Variants in VCAN observed in about 807,000 individuals in gnomAD.
VCAN encodes versican core protein.
In VCAN, 44 loss-of-function variants were observed where a neutral mutation model predicts 245.5. The observed-to-expected ratio is 0.18, with a 90% CI of 0.14 to 0.23. VCAN has a LOEUF of 0.23. Ranked by LOEUF, VCAN falls within the 10% of genes least tolerant of loss-of-function variation. VCAN has a pLI of 1.00. For missense variants in VCAN, 3,793 were observed against 4,057.9 expected, an observed-to-expected ratio of 0.93 and a Z score of 1.77; for synonymous variants, 1,413 against 1,437.0, an observed-to-expected ratio of 0.98 and a Z score of 0.38.
chr5:83,575,058 G>A (rs1378696634), intron 13 of VCAN, among the ~76,000 whole-genome samples: 2 of 151,996 alleles, frequency 1.3e-5, no homozygotes, highest in South Asian at 2.1e-4. Flanking sequence ...ATAAGAGTAC[G>A]AAGTACACAT....
At position 83,519,964 on chromosome 5, in the gene VCAN, G is replaced by A. The variant is rs1746015775; in HGVS notation, c.1658G>A (p.Gly553Glu). 3 of 1,614,086 alleles carry A rather than the reference G, an allele frequency of 1.9e-6. No homozygotes were observed. The highest frequency in any genetic ancestry group is 2.5e-6 in the Non-Finnish European group (3 of 1,179,956). ...ACAGGTCACTATGGATTCACCTTGG[G>A]AGAAGAGGATGATGAAGACAGAACA... ...VTTGHYGFTL[G>E]EEDDEDRTLT... Residue 553 changes from glycine (G) to glutamate (E), a missense_variant, in exon 7 of 15, where the codon GGA becomes GAA. Coordinates refer to ENST00000265077, the MANE Select transcript of VCAN (RefSeq NM_004385.5).
intron 12 of VCAN, among the ~76,000 whole-genome samples, chr5:83,569,257 C>A (rs1357123385): frequency 1.3e-5 from 2 of 152,156 alleles, no homozygotes; most frequent in African/African-American, 2.4e-5. Flanking sequence ...TGCATTGCCA[C>A]CTGTTTTCCA....
In VCAN at chr5:83,512,336, T is replaced by G; in HGVS notation, c.982T>G (p.Phe328Val). The change falls in exon 6 of 15, where the codon TTT becomes GTT. Residue 328 changes from phenylalanine to valine, a missense_variant. Phe to Val is a conservative substitution (Grantham distance 50). Coordinates refer to ENST00000265077, the MANE Select transcript of VCAN (RefSeq NM_004385.5). ...ACTTGGGGTGAGAACCCTGTATCGTTTTGAGAACCAGACAGGCTTCCCTCC... is the reference window on the plus strand; with the variant it reads ...ACTTGGGGTGAGAACCCTGTATCGTGTTGAGAACCAGACAGGCTTCCCTCC... Reference protein sequence around the residue: ...GLLGVRTLYRFENQTGFPPPD... With the variant: ...GLLGVRTLYRVENQTGFPPPD... 11 of 1,610,942 alleles carry G rather than the reference T, an allele frequency of 6.8e-6. No individual in the cohort carries two copies. The highest frequency in any genetic ancestry group is 8.5e-6 in the Non-Finnish European group (10 of 1,177,320).
rs1035645624 is a variant in VCAN, at chr5:83,512,251, G to A, written c.897G>A (p.Leu299=). The A allele has an allele frequency of 5.6e-6, 9 of 1,614,064 alleles. No individual in the cohort carries two copies. The highest frequency in any genetic ancestry group is 7.6e-6 in the Non-Finnish European group (9 of 1,180,040). ...TTGACCAGTGCGATTACGGGTGGCT[G>A]TCGGATGCCAGCGTGCGCCACCCTG... is the stretch of plus-strand genomic sequence containing the variant. ...NGFDQCDYGW[L]SDASVRHPVT... is the part of the protein sequence containing the mutation. The change falls in exon 6 of 15, where the codon CTG becomes CTA. Residue 299 remains leucine (L), a synonymous_variant. Coordinates refer to ENST00000265077, the MANE Select transcript of VCAN (RefSeq NM_004385.5).
At chr5:83,484,575 C>A (rs564067859) in intron 2 of VCAN, among the ~76,000 whole-genome samples, 1 of 152,294 alleles carries the variant, frequency 6.6e-6, no homozygotes, top group Admixed American at 6.5e-5. Flanking sequence ...ATTTTTCCCA[C>A]TCACCCATTC....
At chr5:83,564,918 TTTAA>T (rs1339492550) in intron 12 of VCAN, among the ~76,000 whole-genome samples, 1 of 152,212 alleles carries the variant, frequency 6.6e-6, no homozygotes, top group Non-Finnish European at 1.5e-5. Flanking sequence ...AAACATCATC[TTTAA>T]TTGGCCATTT....
Position 83,512,254 on chromosome 5 carries a change from G to C in VCAN, c.900G>C (p.Ser300=). The C allele has an allele frequency of 6.2e-7, 1 of 1,614,140 alleles. No individual in the cohort carries two copies. Among genetic ancestry groups the C allele is most frequent in the East Asian group, 2.2e-5 (1 of 44,868 alleles). ...ACCAGTGCGATTACGGGTGGCTGTC[G>C]GATGCCAGCGTGCGCCACCCTGTGA... The part of the protein sequence containing the change: ...GFDQCDYGWL[S]DASVRHPVTV... The change falls in exon 6 of 15, where the codon TCG becomes TCC. Residue 300 remains serine, a synonymous_variant. Coordinates refer to ENST00000265077, the MANE Select transcript of VCAN (RefSeq NM_004385.5).
intron 2 of VCAN, among the ~76,000 whole-genome samples, chr5:83,489,811 C>CT (rs11389823): frequency 0.24 from 35,503 of 147,026 alleles, 4,608 homozygotes; most frequent in East Asian, 0.42. Context: ...TTATGCTTGC[C>CT]TTTTTTTTTT....
At chr5:83,504,770 A>G (rs1158798613) in intron 5 of VCAN, among the ~76,000 whole-genome samples, 1 of 152,170 alleles carries the variant, frequency 6.6e-6, no homozygotes, top group Non-Finnish European at 1.5e-5. Flanking sequence ...TATATTTGGT[A>G]TATTTCCTGA....
In VCAN at chr5:83,493,550, T is replaced by A. The variant is rs1183791585; in HGVS notation, c.450T>A (p.Val150=). ...TGTTTGCTGTTGTTTTTGCAGGGGT[T>A]GTGTTTCACTACAGGGCGGCAACCA... The part of the protein sequence containing the change: ...QDTVSLTVDG[V]VFHYRAATSR... Residue 150 remains valine (V), a synonymous_variant, in exon 4 of 15, where the codon GTT becomes GTA. Coordinates refer to ENST00000265077, the MANE Select transcript of VCAN (RefSeq NM_004385.5). 6.2e-7 allele frequency: 1 copy of A among 1,613,212 alleles called. No individual in the cohort carries two copies. The highest frequency in any genetic ancestry group is 1.3e-5 in the African/African-American group (1 of 75,024).
chr5:83,573,269 T>G (rs1439650801), intron 13 of VCAN, among the ~76,000 whole-genome samples: 1 of 152,134 alleles, frequency 6.6e-6, no homozygotes, highest in Admixed American at 6.6e-5. Flanking sequence ...TTAGGCTATA[T>G]TTTTTAAATC....
chr5:83,475,449 C>A (rs1187623698), intron 1 of VCAN, among the ~76,000 whole-genome samples: 1 of 152,146 alleles, frequency 6.6e-6, no homozygotes, highest in Non-Finnish European at 1.5e-5. Context: ...CACTTCTTGA[C>A]AATTTCGCCA....
At chr5:83,535,318 G>A (rs1283400247) in intron 7 of VCAN, among the ~76,000 whole-genome samples, 1 of 151,956 alleles carries the variant, frequency 6.6e-6, no homozygotes, top group East Asian at 1.9e-4. Flanking sequence ...TGTTTAGTTA[G>A]GATAAGAATA....
At chr5:83,480,261 G>A (rs952084316) in intron 1 of VCAN, among the ~76,000 whole-genome samples, 3 of 152,066 alleles carry the variant, frequency 2.0e-5, no homozygotes, top group African/African-American at 7.2e-5. Flanking sequence ...TATGTAGATG[G>A]AGGACCATTC....
At chr5:83,551,362 A>G (rs1057118391) in intron 10 of VCAN, among the ~76,000 whole-genome samples, 1 of 151,996 alleles carries the variant, frequency 6.6e-6, no homozygotes, top group Non-Finnish European at 1.5e-5. Flanking sequence ...AAATACAAAA[A>G]TTAGCCAGGC....
At position 83,471,852 on chromosome 5, in the gene VCAN, A is replaced by G. The variant is rs994954737; in HGVS notation, c.-178A>G. On this transcript the variant is annotated 5_prime_UTR_variant, in exon 1 of 15. Transcript: ENST00000265077. ...GTGTTGTGGACAGGAGCTGGGACCA[A>G]GATCTTCGGCCAGCCCCGCATCCTC... 1.8e-5 allele frequency: 7 copies of G among 397,766 alleles called. No individual in the cohort carries two copies. Among genetic ancestry groups the G allele is most frequent in the Admixed American group, 1.3e-4 (3 of 22,690 alleles). 24.6% of individuals were successfully genotyped at this position (397,766 alleles called of 1,614,324 possible).
At position 83,540,922 on chromosome 5, in the gene VCAN, C is replaced by A; in HGVS notation, c.7919C>A (p.Ala2640Asp). 1 of 1,614,032 alleles carries A rather than the reference C, an allele frequency of 6.2e-7. No individual in the cohort carries two copies. The highest frequency in any genetic ancestry group is 8.5e-7 in the Non-Finnish European group (1 of 1,179,992). The change falls in exon 8 of 15, where the codon GCT becomes GAT. Residue 2640 changes from alanine (A) to aspartate (D), a missense_variant. By Grantham distance (126) the Ala-to-Asp change is moderately radical (BLOSUM62 -2). Transcript: ENST00000265077. ...SLTEETFEGS[A>D]DVLASYTQAT... ...ACTGAGGAAACATTTGAGGGCTCTGCTGATGTTCTGGCTAGCTACACTCAG... is the reference window on the plus strand; with the variant it reads ...ACTGAGGAAACATTTGAGGGCTCTGATGATGTTCTGGCTAGCTACACTCAG...
At chr5:83,553,096 C>T (rs185780007) in intron 10 of VCAN, among the ~76,000 whole-genome samples, 6 of 152,292 alleles carry the variant, frequency 3.9e-5, no homozygotes, top group Admixed American at 2.6e-4. Context: ...TTGGCTGGCC[C>T]CTCTTCCAGT....
intron 13 of VCAN, among the ~76,000 whole-genome samples, chr5:83,572,985 C>G (rs1468137782): frequency 6.6e-6 from 1 of 151,666 alleles, no homozygotes; most frequent in African/African-American, 2.4e-5. Flanking sequence ...ACGGCAACCT[C>G]CGCCTCTGGG....
Sources: gnomAD v4.1 joint callset for allele counts (sites outside exome capture counted in the v4.1 genomes callset) on GRCh38, gnomAD v4.1.1 for gene constraint, MANE v1.5 for transcripts, NCBI Gene and HGNC (gene_info 2026-07-23, HGNC 2026-07-21) for gene names.